The following SH3D21 variants were observed in gnomAD, a reference collection of about 807,000 sequenced individuals.
SH3D21 encodes the protein SH3 domain-containing protein 21.
Under a neutral mutation model 82.1 loss-of-function variants are expected in SH3D21, and 83 were observed. The ratio of observed to expected loss-of-function variants is 1.01; its 90% CI spans 0.85 to 1.21. SH3D21 has a LOEUF of 1.21. SH3D21 is among the 50% of genes most tolerant of loss of function. The pLI, the probability that SH3D21 is intolerant of heterozygous loss-of-function variation, is 0.00. For missense variants in SH3D21, 980 were observed against 962.1 expected (o/e 1.02, Z -0.25); for synonymous variants, 383 against 387.8 (o/e 0.99, Z 0.15).
At chr1:36,323,028 G>A (rs1557491448), downstream of SH3D21, 1 of 1,600,436 alleles carries the variant, frequency 6.2e-7, no homozygotes, top group Non-Finnish European at 8.5e-7. Context: ...TCCCTTCGCG[G>A]GGCATCCATG....
Position 36,320,113 on chromosome 1 carries a change from A to C in SH3D21, c.1450A>C (p.Lys484Gln). 6.2e-7 allele frequency: 1 copy of C among 1,614,030 alleles called. No individual in the cohort carries two copies. Among genetic ancestry groups the C allele is most frequent in the South Asian group, 1.1e-5 (1 of 91,076 alleles). Residue 484 changes from lysine (K) to glutamine (Q), a missense_variant, in exon 14 of 16, where the codon AAG becomes CAG. Lys to Gln is a moderately conservative substitution (Grantham distance 53). Transcript: ENST00000453908. ...PLGDEAPTLE[K>Q]VLTPELSEEE... ...GGGGGATGAGGCCCCCACTCTAGAA[A>C]AGGTCTTGACCCCAGAGCTTTCTGA...
At chr1:36,322,588 G>C (rs775700586), downstream of SH3D21, 10 of 1,569,746 alleles carry the variant, frequency 6.4e-6, no homozygotes, top group Non-Finnish European at 8.6e-6. Context: ...GTGCTGCTGC[G>C]GGGGTCCCGG....
At chr1:36,308,868 A>G (rs1344343092) in intron 9 of SH3D21, among the ~76,000 whole-genome samples, 1 of 151,928 alleles carries the variant, frequency 6.6e-6, no homozygotes, top group African/African-American at 2.4e-5. Flanking sequence ...GTGTAATCCC[A>G]GCTACTCAGG....
chr1:36,311,233 T>A (rs1179633693), intron 10 of SH3D21, among the ~76,000 whole-genome samples: 1 of 150,450 alleles, frequency 6.6e-6, no homozygotes, highest in Non-Finnish European at 1.5e-5. Flanking sequence ...TTTGTTGTTA[T>A]TGTTTGTTTG....
chr1:36,318,825 C>T (rs571847739), intron 10 of SH3D21, among the ~76,000 whole-genome samples: 93 of 151,590 alleles, frequency 6.1e-4, no homozygotes, highest in Non-Finnish European at 1.2e-3. Flanking sequence ...AGAAGAATGG[C>T]GTGAACCAGG....
intron 10 of SH3D21, among the ~76,000 whole-genome samples, chr1:36,318,186 C>A (rs1646375839): frequency 6.6e-6 from 1 of 152,084 alleles, no homozygotes; most frequent in Admixed American, 6.5e-5. Context: ...TAAAAGGAGT[C>A]ATTTGTCATC....
In SH3D21 at chr1:36,320,585, C is replaced by A. The variant is rs749311066; in HGVS notation, c.1922C>A (p.Ala641Asp). Reference protein sequence around the residue: ...KEELPPKEEVAPKEEVPPIER... With the variant: ...KEELPPKEEVDPKEEVPPIER... ...GAATTGCCCCCTAAAGAGGAAGTGG[C>A]TCCAAAAGAGGAGGTGCCCCCCATA... is the stretch of plus-strand genomic sequence containing the variant. Residue 641 changes from alanine (A) to aspartate (D), a missense_variant, in exon 14 of 16, where the codon GCT becomes GAT. Ala to Asp is a moderately radical substitution (Grantham distance 126). Transcript: ENST00000453908. 6.2e-7 allele frequency: 1 copy of A among 1,614,236 alleles called. No homozygotes were observed. The highest frequency in any genetic ancestry group is 2.2e-5 in the East Asian group (1 of 44,890).
At chr1:36,324,964 A>G (rs570155999), downstream of SH3D21, 1 of 152,372 alleles carries the variant, frequency 6.6e-6, no homozygotes, top group South Asian at 2.1e-4. Context: ...AAAATATTCA[A>G]AACCAAAATT....
intron 10 of SH3D21, among the ~76,000 whole-genome samples, chr1:36,314,550 G>T (rs1646306618): frequency 6.6e-6 from 1 of 150,428 alleles, no homozygotes; most frequent in Non-Finnish European, 1.5e-5. Flanking sequence ...CTGCCTCCTG[G>T]GTTCAAGCGA....
chr1:36,308,156 G>GC lies in SH3D21; in HGVS notation c.590dup (p.Asp198ArgfsTer21). On this transcript the variant is annotated frameshift_variant, in exon 8 of 16. Transcript: ENST00000453908. LOFTEE classifies it high-confidence loss of function. ...GGTCCTGTTTGACTACCAGCCTGAG[G>GC]CCCCAGACGAGTTGGCGCTGCGGAG... The GC allele has an allele frequency of 6.5e-7, 1 of 1,549,916 alleles. No homozygotes were observed. The highest frequency in any genetic ancestry group is 1.2e-5 in the South Asian group (1 of 83,780).
rs1227008646 is a variant in SH3D21 at position 36,306,687 on chromosome 1, C to T, written c.94C>T (p.Pro32Ser). The part of the protein sequence containing the change: ...GDVVRQVRWV[P>S]ARGWLRGEFG... ...CGTGGTCCGGCAGGTGCGCTGGGTG[C>T]CCGCGCGGGGCTGGCTTCGCGGAGA... is the stretch of plus-strand genomic sequence containing the variant. The change falls in exon 2 of 16, where the codon CCC becomes TCC. Residue 32 changes from proline (P) to serine (S), a missense_variant. Pro to Ser is a moderately conservative substitution (Grantham distance 74). Coordinates refer to ENST00000453908, the MANE Select transcript of SH3D21 (RefSeq NM_001162530.2). The surrounding 1 kb of genome is among the most constrained non-coding windows in gnomAD (Gnocchi z 4.5). 4.6e-6 allele frequency: 6 copies of T among 1,296,402 alleles called. No homozygotes were observed. Among genetic ancestry groups the T allele is most frequent in the African/African-American group, 4.6e-5 (3 of 65,628 alleles). 80.3% of individuals were successfully genotyped at this position (1,296,402 alleles called of 1,614,324 possible).
Position 36,321,315 on chromosome 1 carries a change from C to T in SH3D21, c.*188C>T, listed in dbSNP as rs1425971286. The stretch of plus-strand genomic sequence containing the variant: ...CATTCCTGACGGTCCCTCCCAGGCA[C>T]ATCTGGCCAACATGTGGCTCCCATT... On this transcript the variant is annotated 3_prime_UTR_variant, in exon 16 of 16. Coordinates refer to ENST00000453908, the MANE Select transcript of SH3D21 (RefSeq NM_001162530.2). The surrounding 1 kb of genome is among the most constrained non-coding windows in gnomAD (Gnocchi z 6.1). The T allele has an allele frequency of 3.5e-6, 5 of 1,431,462 alleles. No homozygotes were observed. The highest frequency in any genetic ancestry group is 5.0e-5 in the East Asian group (2 of 39,782). 88.7% of individuals were successfully genotyped at this position (1,431,462 alleles called of 1,614,324 possible).
downstream of SH3D21, among the ~76,000 whole-genome samples, chr1:36,325,366 A>C (rs574990038): frequency 6.6e-6 from 1 of 152,280 alleles, no homozygotes; most frequent in South Asian, 2.1e-4. Context: ...ATTATATTAG[A>C]TATTATAAGT....
intron 10 of SH3D21, among the ~76,000 whole-genome samples, chr1:36,317,468 T>C (rs576602206): frequency 6.6e-6 from 1 of 152,278 alleles, no homozygotes; most frequent in African/African-American, 2.4e-5. Flanking sequence ...TGAATGTCAC[T>C]GTGTGTAACT....
In SH3D21 at chr1:36,321,241, T is replaced by G; in HGVS notation, c.*114T>G. The G allele has an allele frequency of 6.7e-7, 1 of 1,482,514 alleles. No individual in the cohort carries two copies. 91.8% of individuals were successfully genotyped at this position (1,482,514 alleles called of 1,614,324 possible). On this transcript the variant is annotated 3_prime_UTR_variant, in exon 16 of 16. Transcript: ENST00000453908. This position sits in a 1 kb window ranked among gnomAD's most constrained non-coding sequence, Gnocchi z 6.1. ...TCTGCCTAGCACGGCGCCACGCCGGTCTGGTCGCTGGGGGCGGGGCCTGCG... is the reference window on the plus strand; with the variant it reads ...TCTGCCTAGCACGGCGCCACGCCGGGCTGGTCGCTGGGGGCGGGGCCTGCG...
chr1:36,326,289 A>G (rs568116311), downstream of SH3D21, among the ~76,000 whole-genome samples: 1 of 150,880 alleles, frequency 6.6e-6, no homozygotes, highest in Non-Finnish European at 1.5e-5. Flanking sequence ...TGGAGTACAA[A>G]GGCGCGATCT....
chr1:36,307,270 G>A lies in SH3D21; in HGVS notation c.330G>A (p.Val110=). The stretch of plus-strand genomic sequence containing the variant: ...TGAAGCTGCAAGCTGGGGAGATCGT[G>A]GAAATGATAAAGGAGGTGAGGGGTG... The part of the protein sequence containing the change: ...DELKLQAGEI[V]EMIKEIEDGW... The change falls in exon 4 of 16, where the codon GTG becomes GTA. Residue 110 remains valine (V), a synonymous_variant. Coordinates refer to ENST00000453908, the MANE Select transcript of SH3D21 (RefSeq NM_001162530.2). This position sits in a 1 kb window ranked among gnomAD's most constrained non-coding sequence, Gnocchi z 5.4. 1 of 1,551,858 alleles carries A rather than the reference G, an allele frequency of 6.4e-7. No individual in the cohort carries two copies. Among genetic ancestry groups the A allele is most frequent in the African/African-American group, 1.4e-5 (1 of 73,188 alleles).
chr1:36,308,457 T>G lies in SH3D21; in HGVS notation c.708T>G (p.Phe236Leu). The G allele has an allele frequency of 6.4e-7, 1 of 1,551,724 alleles. No individual in the cohort carries two copies. Among genetic ancestry groups the G allele is most frequent in the Non-Finnish European group, 8.7e-7 (1 of 1,147,002 alleles). Residue 236 changes from phenylalanine to leucine, a missense_variant, in exon 9 of 16, where the codon TTT (phenylalanine) becomes TTG (leucine). Transcript: ENST00000453908. ...QGRRGVFPDN[F>L]VLPPPPIKKL... is the part of the protein sequence containing the mutation. ...GAAGAGGAGTTTTTCCAGACAACTTTGTACTCCCACCACCCCCAGTGAGTA... is the reference window on the plus strand; with the variant it reads ...GAAGAGGAGTTTTTCCAGACAACTTGGTACTCCCACCACCCCCAGTGAGTA...
At chr1:36,327,354 C>T (rs1646555374), downstream of SH3D21, among the ~76,000 whole-genome samples, 1 of 152,228 alleles carries the variant, frequency 6.6e-6, no homozygotes, top group African/African-American at 2.4e-5. Context: ...TGCCTGCCAT[C>T]CACGGGAATA....
Sources: gnomAD v4.1 joint callset for allele counts (sites outside exome capture counted in the v4.1 genomes callset) on GRCh38, gnomAD v4.1.1 for gene constraint, Gnocchi (gnomAD v3.1) non-coding constraint, MANE v1.5 for transcripts, NCBI Gene and HGNC (gene_info 2026-07-23, HGNC 2026-07-21) for gene names.